The following BBS12 variants were observed in gnomAD, a reference collection of about 807,000 sequenced individuals.
BBS12 encodes chaperonin-containing T-complex member BBS12.
In BBS12, 5 loss-of-function variants were observed where a neutral mutation model predicts 5.6. The observed-to-expected ratio is 0.89, with a 90% CI of 0.46 to 1.86. The LOEUF (loss-of-function observed/expected upper bound fraction) is 1.86. BBS12 is among the 40% of genes most tolerant of loss of function. BBS12 has a pLI of 0.01. For missense variants in BBS12, 748 were observed against 830.4 expected (o/e 0.90, Z 1.22); for synonymous variants, 308 against 306.8 (o/e 1.00, Z -0.04).
chr4:122,709,366 G>A, the BBS12 span, among the ~76,000 whole-genome samples: 1 of 152,032 alleles, frequency 6.6e-6, no homozygotes, highest in Non-Finnish European at 1.5e-5. Context: ...CTTGATAAAT[G>A]AACACTAAGA....
At position 122,735,713 on chromosome 4, in the gene BBS12, G is replaced by A. The variant is rs1490160612; in HGVS notation, c.-11+2829G>A. Among the ~76,000 whole-genome samples the A allele has an allele frequency of 2.6e-5, 4 of 152,212 alleles. No homozygotes were observed. The South Asian group carries it at 8.3e-4, about 32-fold the overall frequency. On this transcript the variant is annotated intron_variant, in intron 1 of 1. Transcript: ENST00000314218. ...ACCAAATATTTATAGAGTACTTGCT[G>A]TGTGTCAGGCAATATTGTAGGTACT...
At chr4:122,709,616 A>AT in the BBS12 span, among the ~76,000 whole-genome samples, 1 of 151,998 alleles carries the variant, frequency 6.6e-6, no homozygotes, top group Non-Finnish European at 1.5e-5. Context: ...AAAATGATGG[A>AT]TTTTTGCAAT....
rs1800881765 is a variant in BBS12 at position 122,742,041 on chromosome 4, T to C, written c.149T>C (p.Ile50Thr). 1 of 1,614,028 alleles carries C rather than the reference T, an allele frequency of 6.2e-7. No individual in the cohort carries two copies. Among genetic ancestry groups the C allele is most frequent in the African/African-American group, 1.3e-5 (1 of 74,932 alleles). The change falls in exon 2 of 2, where the codon ATC becomes ACC. Residue 50 changes from isoleucine to threonine, a missense_variant. Coordinates refer to ENST00000314218, the MANE Select transcript of BBS12 (RefSeq NM_152618.3). ...GAAGAATGTCATGAAAGTGTATTAATCAGTTCAACAGTAAGGCTTCTTGAA... is the reference window on the plus strand; with the variant it reads ...GAAGAATGTCATGAAAGTGTATTAACCAGTTCAACAGTAAGGCTTCTTGAA... The part of the protein sequence containing the change: ...IDEECHESVL[I>T]SSTVRLLESL...
At position 122,743,399 on chromosome 4, in the gene BBS12, G is replaced by T. The variant is rs374865012; in HGVS notation, c.1507G>T (p.Val503Leu). 1.1e-4 allele frequency: 170 copies of T among 1,614,084 alleles called. No individual in the cohort carries two copies. Among genetic ancestry groups the T allele is most frequent in the Non-Finnish European group, 1.3e-4 (150 of 1,180,040 alleles). ...KTEGINLVTA[V>L]LTNPVTAQMQ... is the part of the protein sequence containing the mutation. The stretch of plus-strand genomic sequence containing the variant: ...AGAAGGAATTAATTTGGTTACGGCC[G>T]TGCTCACTAACCCAGTTACTGCACA... The change falls in exon 2 of 2, where the codon GTG (valine) becomes TTG (leucine). Residue 503 changes from valine to leucine, a missense_variant. Coordinates refer to ENST00000314218, the MANE Select transcript of BBS12 (RefSeq NM_152618.3).
intron 1 of BBS12, among the ~76,000 whole-genome samples, chr4:122,734,766 T>C (rs1052936959): frequency 3.3e-5 from 5 of 152,196 alleles, no homozygotes; most frequent in Non-Finnish European, 7.3e-5. Context: ...GAATATTTAC[T>C]GCTAGTTAAA....
At chr4:122,710,178 A>G in the BBS12 span, among the ~76,000 whole-genome samples, 4 of 152,094 alleles carry the variant, frequency 2.6e-5, no homozygotes, top group Admixed American at 6.6e-5. Flanking sequence ...CTCTGCCCTC[A>G]GAGTGGGGGA....
At chr4:122,717,039 C>G in the BBS12 span, among the ~76,000 whole-genome samples, 6 of 152,150 alleles carry the variant, frequency 3.9e-5, no homozygotes, top group African/African-American at 1.2e-4. Context: ...AGTGGAGTGG[C>G]CTCCATGCTC....
At chr4:122,723,204 C>T in the BBS12 span, among the ~76,000 whole-genome samples, 1 of 152,112 alleles carries the variant, frequency 6.6e-6, no homozygotes, top group African/African-American at 2.4e-5. Flanking sequence ...AGGTTCTATC[C>T]TTGTAGAAAT....
chr4:122,739,375 T>C (rs952749064), intron 1 of BBS12, among the ~76,000 whole-genome samples: 1 of 152,184 alleles, frequency 6.6e-6, no homozygotes, highest in Admixed American at 6.5e-5. Context: ...GTTAAAGATA[T>C]TTGCTCCTCC....
the BBS12 span, among the ~76,000 whole-genome samples, chr4:122,715,439 T>A: frequency 2.0e-5 from 3 of 152,296 alleles, no homozygotes; most frequent in East Asian, 5.8e-4. Context: ...GCTTTGTGGT[T>A]CTCTGACCGG....
At position 122,742,871 on chromosome 4, in the gene BBS12, T is replaced by A. The variant is rs116805550; in HGVS notation, c.979T>A (p.Ser327Thr). Residue 327 changes from serine to threonine, a missense_variant, in exon 2 of 2, where the codon TCT (serine) becomes ACT (threonine). Ser to Thr is a moderately conservative substitution (Grantham distance 58). Coordinates refer to ENST00000314218, the MANE Select transcript of BBS12 (RefSeq NM_152618.3). ...CTGTCTACCAGGCTTACCTGAAACT[T>A]CTTCTTGTGTTTGTCCAGGATATAT... is the stretch of plus-strand genomic sequence containing the variant. ...TCCLPGLPET[S>T]SCVCPGYITV... 534 of 1,613,872 alleles carry A rather than the reference T, an allele frequency of 3.3e-4. 1 individual carries two copies. The highest frequency in any genetic ancestry group is 7.9e-4 in the African/African-American group (59 of 75,062).
chr4:122,726,744 A>T, the BBS12 span, among the ~76,000 whole-genome samples: 1 of 152,196 alleles, frequency 6.6e-6, no homozygotes, highest in Non-Finnish European at 1.5e-5. Context: ...AAATTGTCAT[A>T]TATATATAAT....
At chr4:122,706,940 C>G in the BBS12 span, among the ~76,000 whole-genome samples, 1 of 151,972 alleles carries the variant, frequency 6.6e-6, no homozygotes, top group Non-Finnish European at 1.5e-5. Context: ...GATATAAACT[C>G]TCAACATTAC....
the BBS12 span, among the ~76,000 whole-genome samples, chr4:122,706,872 T>C: frequency 2.0e-5 from 3 of 152,186 alleles, no homozygotes; most frequent in Non-Finnish European, 4.4e-5. Context: ...CATTAACTTA[T>C]TCAGTTCAGA....
the BBS12 span, among the ~76,000 whole-genome samples, chr4:122,702,103 G>A: frequency 6.6e-6 from 1 of 152,052 alleles, no homozygotes; most frequent in Non-Finnish European, 1.5e-5. Context: ...TTTAAGACAG[G>A]GTCTTGCTCT....
chr4:122,702,820 A>T, the BBS12 span, among the ~76,000 whole-genome samples: 5 of 152,194 alleles, frequency 3.3e-5, no homozygotes, highest in African/African-American at 1.2e-4. Flanking sequence ...AGAGGAGGAG[A>T]AAAATGGATA....
At chr4:122,735,011 A>C (rs928581759) in intron 1 of BBS12, among the ~76,000 whole-genome samples, 1 of 152,150 alleles carries the variant, frequency 6.6e-6, no homozygotes, top group African/African-American at 2.4e-5. Context: ...ATAAAAATAG[A>C]ATATAAAAGA....
At chr4:122,703,685 A>G in the BBS12 span, among the ~76,000 whole-genome samples, 13,542 of 152,194 alleles carry the variant, frequency 0.089, 1,598 homozygotes, top group African/African-American at 0.27. Context: ...CTGACTTAAT[A>G]GGAAAGTTCC....
rs140895713 is a variant in BBS12, at chr4:122,743,906, G to A, written c.2014G>A (p.Ala672Thr). 893 of 1,606,102 alleles carry A rather than the reference G, an allele frequency of 5.6e-4. 13 individuals are homozygous for A. The South Asian group carries it at 8.5e-3, about 15-fold the overall frequency. The change falls in exon 2 of 2, where the codon GCG (alanine) becomes ACG (threonine). Residue 672 changes from alanine to threonine, a missense_variant. By Grantham distance (58) the Ala-to-Thr change is moderately conservative (BLOSUM62 0). Coordinates refer to ENST00000314218, the MANE Select transcript of BBS12 (RefSeq NM_152618.3). ...VYDVVTPKIE[A>T]WRRALDLVLL... ...TGACGTTGTTACACCAAAGATTGAG[G>A]CGTGGCGCCGAGCATTGGATTTAGT... is the stretch of plus-strand genomic sequence containing the variant.
Sources: allele counts gnomAD v4.1 joint callset (sites outside exome capture counted in the v4.1 genomes callset), GRCh38; gene constraint gnomAD v4.1.1; transcripts MANE v1.5; gene names NCBI Gene and HGNC (gene_info 2026-07-23, HGNC 2026-07-21).